ENTPD6: variants seen among roughly 807,000 people sequenced by gnomAD.
ENTPD6 encodes the protein ectonucleoside triphosphate diphosphohydrolase 6.
ENTPD6 carries 46 observed loss-of-function variants against 61.5 expected under a neutral mutation model. The ratio of observed to expected loss-of-function variants is 0.75; its 90% CI spans 0.59 to 0.96. The LOEUF (loss-of-function observed/expected upper bound fraction) is 0.96, where lower values mean the gene tolerates loss of function less well. Among genes scored for constraint, ENTPD6 ranks in the 40% least tolerant of loss-of-function variants. The pLI, the probability that ENTPD6 is intolerant of heterozygous loss-of-function variation, is 0.00. For missense variants in ENTPD6, 612 were observed against 629.0 expected (o/e 0.97, Z 0.29); for synonymous variants, 252 against 255.5 (o/e 0.99, Z 0.13).
intron 13 of ENTPD6, 60 bp downstream of exon 13, chr20:25,224,217 C>A: frequency 6.7e-7 from 1 of 1,502,014 alleles, no homozygotes; most frequent in Non-Finnish European, 9.2e-7. Context: ...GCTCGTGACG[C>A]AGGCGCTGGC....
At chr20:25,202,649 A>G (rs937288079) in intron 1 of ENTPD6, among the ~76,000 whole-genome samples, 2 of 152,226 alleles carry the variant, frequency 1.3e-5, no homozygotes, top group African/African-American at 4.8e-5. Context: ...TCAGTCAGAC[A>G]CAGTAACCTC....
At chr20:25,204,647 G>A (rs762426825) in intron 1 of ENTPD6, among the ~76,000 whole-genome samples, 5 of 152,124 alleles carry the variant, frequency 3.3e-5, no homozygotes, top group African/African-American at 4.8e-5. Context: ...TCCTATCTGG[G>A]CTCTGAGCTC....
intron 2 of ENTPD6, 23 bp from the exon 3 acceptor site, chr20:25,207,053 T>G: frequency 6.3e-7 from 1 of 1,579,896 alleles, no homozygotes; most frequent in South Asian, 1.1e-5. Flanking sequence ...GTGCTTTTCC[T>G]GCCTCTCCCC....
chr20:25,209,409 C>T (rs1048861969), intron 3 of ENTPD6, among the ~76,000 whole-genome samples: 8 of 151,850 alleles, frequency 5.3e-5, no homozygotes, highest in African/African-American at 1.2e-4. Context: ...CGTGCCTGGC[C>T]GTAAAGTTGG....
chr20:25,225,393 G>C (rs1036721251), intron 14 of ENTPD6, 76 bp downstream of exon 14: 7 of 1,590,978 alleles, frequency 4.4e-6, no homozygotes, highest in Non-Finnish European at 6.0e-6. Context: ...AGTTGCTGGG[G>C]TCATGTCCCC....
chr20:25,198,534 A>G (rs558051113), intron 1 of ENTPD6, among the ~76,000 whole-genome samples: 1 of 152,266 alleles, frequency 6.6e-6, no homozygotes, highest in East Asian at 1.9e-4. Flanking sequence ...ACGTATTCAC[A>G]GTTGTAGGGT....
At position 25,225,620 on chromosome 20, in the gene ENTPD6, G is replaced by C. The variant is rs773014634; in HGVS notation, c.*23G>C. The C allele has an allele frequency of 2.5e-6, 4 of 1,588,318 alleles. No individual in the cohort carries two copies. The Admixed American group carries it at 6.7e-5, about 27-fold the overall frequency. On this transcript the variant is annotated 3_prime_UTR_variant, in exon 15 of 15. Coordinates refer to ENST00000376652, the MANE Select transcript of ENTPD6 (RefSeq NM_001247.5). The stretch of plus-strand genomic sequence containing the variant: ...TAGTGGCCGAGCCATCCCTGTCCCC[G>C]TCAGCAGTGTCTGTGTGTCTGCATA...
At chr20:25,198,074 A>T (rs2090659737) in intron 1 of ENTPD6, among the ~76,000 whole-genome samples, 1 of 152,158 alleles carries the variant, frequency 6.6e-6, no homozygotes, top group South Asian at 2.1e-4. Flanking sequence ...GGGTTTTTTT[A>T]AATGGGTAGA....
At chr20:25,211,252 G>T (rs1320259398) in intron 4 of ENTPD6, among the ~76,000 whole-genome samples, 1 of 152,192 alleles carries the variant, frequency 6.6e-6, no homozygotes, top group Non-Finnish European at 1.5e-5. Flanking sequence ...CTGTAGCTTA[G>T]TTAAAAAAGA....
At chr20:25,204,200 C>T (rs976327340) in intron 1 of ENTPD6, among the ~76,000 whole-genome samples, 1 of 152,136 alleles carries the variant, frequency 6.6e-6, no homozygotes, top group African/African-American at 2.4e-5. Context: ...AACTCCTGCT[C>T]CTAAAAGGAC....
At chr20:25,197,207 G>A in intron 1 of ENTPD6, 1 of 985,386 alleles carries the variant, frequency 1.0e-6, no homozygotes, top group Non-Finnish European at 1.2e-6. Flanking sequence ...CACATCAGAT[G>A]GCCCCTGTAT....
At chr20:25,208,378 G>T (rs1419067838) in intron 3 of ENTPD6, among the ~76,000 whole-genome samples, 2 of 152,140 alleles carry the variant, frequency 1.3e-5, no homozygotes, top group Non-Finnish European at 2.9e-5. Flanking sequence ...CCTGGTAGGC[G>T]GAGTTTGCAG....
chr20:25,223,016 G>T, intron 12 of ENTPD6, 38 bp downstream of exon 12: 1 of 1,566,680 alleles, frequency 6.4e-7, no homozygotes, highest in Non-Finnish European at 8.7e-7. Flanking sequence ...GAAGGTCGGG[G>T]CGGCAGGGGG....
chr20:25,225,602 C>T lies in ENTPD6; in HGVS notation c.*5C>T, dbSNP rs768912575. The T allele has an allele frequency of 6.2e-6, 10 of 1,611,146 alleles. No homozygotes were observed. The highest frequency in any genetic ancestry group is 2.7e-5 in the African/African-American group (2 of 74,828). On this transcript the variant is annotated 3_prime_UTR_variant, in exon 15 of 15. Coordinates refer to ENST00000376652, the MANE Select transcript of ENTPD6 (RefSeq NM_001247.5). The stretch of plus-strand genomic sequence containing the variant: ...CAGAAGAGTCCAGCCTCATAGTGGC[C>T]GAGCCATCCCTGTCCCCGTCAGCAG...
chr20:25,200,004 T>C (rs910604391), intron 1 of ENTPD6, among the ~76,000 whole-genome samples: 1 of 152,234 alleles, frequency 6.6e-6, no homozygotes, highest in African/African-American at 2.4e-5. Context: ...GTGGGATTGC[T>C]GAACCATATG....
intron 12 of ENTPD6, 185 bp from the exon 13 acceptor site, chr20:25,223,916 C>A (rs980969977): frequency 2.1e-5 from 10 of 484,302 alleles, no homozygotes; most frequent in Non-Finnish European, 3.7e-5. Context: ...AAACCCACCC[C>A]ACACCACATC....
chr20:25,213,373 AC>A lies in ENTPD6; in HGVS notation c.566del (p.Pro189LeufsTer12). ...LKATAGLRLL[P>X]GEKAQKLLQK... The stretch of plus-strand genomic sequence containing the variant: ...AGGCCACAGCTGGCTTACGCCTGTT[AC>A]CTGGAGAAAAGGCCCAGAAGTTACT... On this transcript the variant is annotated frameshift_variant, in exon 5 of 15. Transcript: ENST00000376652. LOFTEE classifies it high-confidence loss of function. 1 of 1,613,624 alleles carries A rather than the reference AC, an allele frequency of 6.2e-7. No homozygotes were observed. Among genetic ancestry groups the A allele is most frequent in the South Asian group, 1.1e-5 (1 of 91,008 alleles).
intron 11 of ENTPD6, chr20:25,221,667 C>T (rs748236225): frequency 5.1e-6 from 2 of 395,716 alleles, no homozygotes; most frequent in Non-Finnish European, 9.6e-6. Context: ...CCCAGGCACT[C>T]TGTGCTGTGC....
intron 1 of ENTPD6, among the ~76,000 whole-genome samples, chr20:25,203,002 C>T (rs575804403): frequency 6.6e-6 from 1 of 152,306 alleles, no homozygotes; most frequent in South Asian, 2.1e-4. Context: ...CTGGAAGTGT[C>T]TTAATTTCTC....
Sources: allele counts gnomAD v4.1 joint callset (sites outside exome capture counted in the v4.1 genomes callset), GRCh38; gene constraint gnomAD v4.1.1; transcripts MANE v1.5; gene names NCBI Gene and HGNC (gene_info 2026-07-23, HGNC 2026-07-21).